Variants in FSD2 observed in about 807,000 individuals in gnomAD.
FSD2 encodes fibronectin type III and SPRY domain-containing protein 2.
FSD2 carries 71 observed loss-of-function variants against 80.4 expected under a neutral mutation model. The ratio of observed to expected loss-of-function variants is 0.88; its 90% CI spans 0.73 to 1.08. The LOEUF (loss-of-function observed/expected upper bound fraction) is 1.08, where lower values mean the gene tolerates loss of function less well. Ranked by LOEUF, FSD2 falls within the 50% of genes least tolerant of loss-of-function variation. The pLI is 0.00. For missense variants in FSD2, 923 were observed against 913.8 expected, an observed-to-expected ratio of 1.01 and a Z score of -0.13; for synonymous variants, 361 against 329.5, an observed-to-expected ratio of 1.10 and a Z score of -1.03.
intron 1 of FSD2, among the ~76,000 whole-genome samples, chr15:82,792,871 C>A (rs1175858724): frequency 6.6e-6 from 1 of 152,128 alleles, no homozygotes; most frequent in Non-Finnish European, 1.5e-5. Flanking sequence ...ATATTCCTAA[C>A]AAATATTGGC....
chr15:82,794,756 G>A (rs1164475245), intron 1 of FSD2, among the ~76,000 whole-genome samples: 11 of 142,186 alleles, frequency 7.7e-5, no homozygotes, highest in East Asian at 2.0e-4. Context: ...AAGGAGTCTC[G>A]CTCTGTCACC....
intron 11 of FSD2, among the ~76,000 whole-genome samples, chr15:82,763,187 A>C (rs763827732): frequency 6.6e-6 from 1 of 152,230 alleles, no homozygotes; most frequent in Non-Finnish European, 1.5e-5. Context: ...GGAAAAAGTC[A>C]TATTCCCACC....
At chr15:82,765,369 G>A in intron 10 of FSD2, 71 bp from the exon 11 acceptor site, 8 of 1,599,706 alleles carry the variant, frequency 5.0e-6, no homozygotes, top group African/African-American at 1.3e-5. Flanking sequence ...GGTGGTCACC[G>A]GTTTAGCTTC....
intron 3 of FSD2, among the ~76,000 whole-genome samples, chr15:82,784,295 A>G (rs988022323): frequency 2.6e-5 from 4 of 151,384 alleles, no homozygotes; most frequent in African/African-American, 9.7e-5. Flanking sequence ...CCCAGGTTGG[A>G]GTGCAGTGGA....
chr15:82,776,563 A>G (rs2049717588), intron 6 of FSD2, among the ~76,000 whole-genome samples: 1 of 152,202 alleles, frequency 6.6e-6, no homozygotes, highest in Non-Finnish European at 1.5e-5. Flanking sequence ...AAAACTATAA[A>G]ACACTGATGA....
rs2049523661 is a variant in FSD2, at chr15:82,769,935, T to A, written c.1268-51A>T. ...CAACCCTAAAAACTGGCCAAGTGGC[T>A]CCAATTCATTATGCCGAATCCCACA... On this transcript the variant is annotated intron_variant, in intron 7 of 12. Transcript: ENST00000334574. 1.7e-5 allele frequency: 28 copies of A among 1,604,642 alleles called. No individual in the cohort carries two copies. The South Asian group carries it at 3.0e-4, about 17-fold the overall frequency.
intron 1 of FSD2, among the ~76,000 whole-genome samples, chr15:82,796,584 T>C (rs535046948): frequency 2.6e-5 from 4 of 152,336 alleles, no homozygotes; most frequent in South Asian, 4.1e-4. Flanking sequence ...AATAAATATT[T>C]GTTGTTTTAA....
At chr15:82,772,015 C>A in intron 7 of FSD2, 58 bp downstream of exon 7, 4 of 1,459,220 alleles carry the variant, frequency 2.7e-6, no homozygotes, top group Non-Finnish European at 3.6e-6. Context: ...AGGGCCCAGG[C>A]CCCTGAGGGG....
At chr15:82,780,305 G>A in intron 4 of FSD2, 38 bp from the exon 5 acceptor site, 1 of 1,394,364 alleles carries the variant, frequency 7.2e-7, no homozygotes, top group Non-Finnish European at 9.6e-7. Context: ...GTTGATTTTG[G>A]AAATAAATTT....
rs942944409 is a variant in FSD2, at chr15:82,758,976, T to G, written c.*372A>C. ...TTGGCTGACTCATGAAATGCATGGG[T>G]GTACTGGTGCTGCTGGAGCCATTAA... On this transcript the variant is annotated 3_prime_UTR_variant, in exon 13 of 13. Coordinates refer to ENST00000334574, the MANE Select transcript of FSD2 (RefSeq NM_001007122.4). 6.8e-5 allele frequency: 13 copies of G among 192,094 alleles called. No homozygotes were observed. Among genetic ancestry groups the G allele is most frequent in the Admixed American group, 1.6e-4 (3 of 18,220 alleles). 11.9% of individuals were successfully genotyped at this position (192,094 alleles called of 1,614,324 possible). A position where few individuals can be genotyped will look rare whatever the true frequency, so the allele number is the denominator to read the frequency against.
rs190410190 is a variant in FSD2 at position 82,759,097 on chromosome 15, A to T, written c.*251T>A. The T allele has an allele frequency of 1.3e-5, 6 of 451,336 alleles. No individual in the cohort carries two copies. Among genetic ancestry groups the T allele is most frequent in the Non-Finnish European group, 2.4e-5 (6 of 252,064 alleles). The allele number at this position is 451,336 out of a possible 1,614,324, so 28.0% of individuals were successfully genotyped here. A position where few individuals can be genotyped will look rare whatever the true frequency, so the allele number is the denominator to read the frequency against. On this transcript the variant is annotated 3_prime_UTR_variant, in exon 13 of 13. Coordinates refer to ENST00000334574, the MANE Select transcript of FSD2 (RefSeq NM_001007122.4). The stretch of plus-strand genomic sequence containing the variant: ...AGTTTGACAGCTTCAAAGACTTTTG[A>T]GTTCGTTTAGTCTGAGCCTTTATTT...
chr15:82,800,518 C>G (rs895827434), intron 1 of FSD2, among the ~76,000 whole-genome samples: 2 of 151,586 alleles, frequency 1.3e-5, no homozygotes, highest in Non-Finnish European at 2.9e-5. Flanking sequence ...ATGGTGAAAC[C>G]CCGTCTCTAC....
In FSD2 at chr15:82,786,508, T is replaced by C. The variant is rs772549611; in HGVS notation, c.735+3A>G. On this transcript the variant is annotated splice_donor_region_variant and intron_variant, in intron 3 of 12. Transcript: ENST00000334574. ...CTGATGAGGTCTTCAAGTGTGCTCT[T>C]ACCTCCACAGTGATGAAAACCTCCT... 65 of 1,609,196 alleles carry C rather than the reference T, an allele frequency of 4.0e-5. No homozygotes were observed. Among genetic ancestry groups the C allele is most frequent in the East Asian group, 8.9e-5 (4 of 44,872 alleles).
intron 5 of FSD2, among the ~76,000 whole-genome samples, chr15:82,779,480 C>T (rs1320091916): frequency 6.6e-6 from 1 of 152,028 alleles, no homozygotes; most frequent in East Asian, 1.9e-4. Context: ...GCCTGGCCAA[C>T]ATGGTGAAAC....
At chr15:82,780,337 C>CTTTTTT (rs774635552) in intron 4 of FSD2, 70 bp from the exon 5 acceptor site, 1 of 887,308 alleles carries the variant, frequency 1.1e-6, no homozygotes. Flanking sequence ...TTCTTTCTTT[C>CTTTTTT]TTTTTTTTTT....
At chr15:82,773,157 A>G (rs1272133060) in intron 6 of FSD2, among the ~76,000 whole-genome samples, 4 of 152,256 alleles carry the variant, frequency 2.6e-5, no homozygotes, top group South Asian at 2.1e-4. Context: ...CCTTTCCTCC[A>G]TAATCCTTCT....
At chr15:82,799,908 G>A (rs2050370446) in intron 1 of FSD2, among the ~76,000 whole-genome samples, 1 of 152,178 alleles carries the variant, frequency 6.6e-6, no homozygotes. Context: ...TGGCCCGTGA[G>A]AGGTTGGGAC....
chr15:82,798,835 TTA>T (rs1271418268), intron 1 of FSD2, among the ~76,000 whole-genome samples: 1 of 151,386 alleles, frequency 6.6e-6, no homozygotes, highest in East Asian at 1.9e-4. Flanking sequence ...AACTATATTT[TTA>T]AAAAGGCATT....
chr15:82,781,797 C>T (rs1022456184), intron 4 of FSD2, among the ~76,000 whole-genome samples: 6 of 151,824 alleles, frequency 4.0e-5, no homozygotes, highest in East Asian at 1.9e-4. Context: ...CGGTGGCTCA[C>T]GCCTGTAATC....
Sources: allele counts gnomAD v4.1 joint callset (sites outside exome capture counted in the v4.1 genomes callset), GRCh38; gene constraint gnomAD v4.1.1; transcripts MANE v1.5; gene names NCBI Gene and HGNC (gene_info 2026-07-23, HGNC 2026-07-21).